Variants in PTCRA observed in about 807,000 individuals in gnomAD.
PTCRA encodes the protein pre T cell antigen receptor alpha, also known as pre T-cell antigen receptor alpha.
In PTCRA, 9 loss-of-function variants were observed where a neutral mutation model predicts 13.4. That is an observed-to-expected ratio of 0.67 (90% confidence interval 0.41 to 1.18). PTCRA has a LOEUF of 1.18. Among genes scored for constraint, PTCRA ranks in the 50% most tolerant of loss-of-function variants. PTCRA has a pLI of 0.01. For missense variants in PTCRA, 353 were observed against 359.8 expected (o/e 0.98, Z 0.15); for synonymous variants, 153 against 161.9 (o/e 0.94, Z 0.42).
intron 1 of PTCRA, among the ~76,000 whole-genome samples, chr6:42,922,792 G>A (rs1767249309): frequency 6.6e-6 from 1 of 151,726 alleles, no homozygotes; most frequent in African/African-American, 2.4e-5. Flanking sequence ...GCTGATAGAA[G>A]AAAGGATGGA....
At chr6:42,924,149 G>A (rs1767314972) in intron 2 of PTCRA, 80 bp from the exon 3 acceptor site, 1 of 1,277,012 alleles carries the variant, frequency 7.8e-7, no homozygotes, top group South Asian at 1.4e-5. Flanking sequence ...CTGTGCCAGG[G>A]CCTGGGCATA....
chr6:42,918,165 A>T (rs994132541), intron 1 of PTCRA, among the ~76,000 whole-genome samples: 1 of 151,534 alleles, frequency 6.6e-6, no homozygotes, highest in African/African-American at 2.4e-5. Flanking sequence ...CTGAGGCAGG[A>T]GAATTGCTTG....
intron 1 of PTCRA, among the ~76,000 whole-genome samples, chr6:42,917,223 TTATTA>T (rs1581677213): frequency 7.2e-6 from 1 of 139,518 alleles, no homozygotes; most frequent in South Asian, 2.1e-4. Flanking sequence ...ATTATTATTA[TTATTA>T]TTATTTATTT....
In PTCRA at chr6:42,925,280, G is replaced by A. The variant is rs533321958; in HGVS notation, c.444G>A (p.Leu148=). ...EPLRGTPGGA[L]WLGVLRLLLF... ...TCGCAGGGACACCGGGTGGGGCGCT[G>A]TGGCTGGGGGTCCTGCGGCTGCTGC... Residue 148 remains leucine, a synonymous_variant, in exon 4 of 4, where the codon CTG becomes CTA. Transcript: ENST00000304672. The surrounding 1 kb of genome is among the most constrained non-coding windows in gnomAD (Gnocchi z 4.4). 4.3e-5 allele frequency: 69 copies of A among 1,590,274 alleles called. No individual in the cohort carries two copies. The highest frequency in any genetic ancestry group is 5.8e-5 in the Non-Finnish European group (68 of 1,175,548).
intron 1 of PTCRA, among the ~76,000 whole-genome samples, chr6:42,916,529 G>A (rs1014623055): frequency 3.9e-5 from 6 of 152,168 alleles, no homozygotes; most frequent in African/African-American, 1.4e-4. Context: ...AACAGTGTGA[G>A]GTCCTGTCCT....
chr6:42,917,141 C>G (rs1031513494), intron 1 of PTCRA, among the ~76,000 whole-genome samples: 1 of 151,276 alleles, frequency 6.6e-6, no homozygotes, highest in Non-Finnish European at 1.5e-5. Flanking sequence ...ACACTTATGG[C>G]CTTTACTCTT....
At position 42,925,246 on chromosome 6, in the gene PTCRA, G is replaced by C. The variant is rs759007225; in HGVS notation, c.425-15G>C. Reference sequence around the variant, plus strand: ...TGCGGGCTCCTGCGGGCTCCTGAGCGGTTCCTCCTCGCAGGGACACCGGGT... The same window carrying C: ...TGCGGGCTCCTGCGGGCTCCTGAGCCGTTCCTCCTCGCAGGGACACCGGGT... On this transcript the variant is annotated splice_polypyrimidine_tract_variant and intron_variant, in intron 3 of 3. Coordinates refer to ENST00000304672, the MANE Select transcript of PTCRA (RefSeq NM_138296.3). This position sits in a 1 kb window ranked among gnomAD's most constrained non-coding sequence, Gnocchi z 4.4. 1 of 1,579,962 alleles carries C rather than the reference G, an allele frequency of 6.3e-7. No homozygotes were observed. Among genetic ancestry groups the C allele is most frequent in the Non-Finnish European group, 8.5e-7 (1 of 1,170,594 alleles).
intron 1 of PTCRA, among the ~76,000 whole-genome samples, chr6:42,918,772 A>G (rs1766990011): frequency 6.8e-6 from 1 of 146,346 alleles, no homozygotes; most frequent in Admixed American, 7.2e-5. Context: ...CTTACCATTT[A>G]TGTGTTAGTA....
chr6:42,922,995 T>A, intron 1 of PTCRA, 32 bp from the exon 2 acceptor site: 1 of 1,609,162 alleles, frequency 6.2e-7, no homozygotes, highest in Non-Finnish European at 8.5e-7. Flanking sequence ...CAAAAGCTGG[T>A]CTAGCACCCA....
intron 1 of PTCRA, among the ~76,000 whole-genome samples, chr6:42,919,830 G>A (rs895490890): frequency 8.0e-6 from 1 of 125,060 alleles, no homozygotes; most frequent in African/African-American, 3.1e-5. Context: ...AATAGCTTGA[G>A]CCTAGGAGTT....
intron 1 of PTCRA, among the ~76,000 whole-genome samples, chr6:42,920,013 C>T (rs1358179864): frequency 6.9e-6 from 1 of 145,586 alleles, no homozygotes; most frequent in African/African-American, 2.6e-5. Context: ...CAGAGCTAGA[C>T]CCTGTCTCAA....
At chr6:42,922,983 G>GC (rs1767258568) in intron 1 of PTCRA, 44 bp from the exon 2 acceptor site, 1 of 1,590,914 alleles carries the variant, frequency 6.3e-7, no homozygotes, top group African/African-American at 1.3e-5. Context: ...GGCCTGGGAG[G>GC]CCAAAAGCTG....
In PTCRA at chr6:42,923,272, T is replaced by G; in HGVS notation, c.304T>G (p.Trp102Gly). Residue 102 changes from tryptophan (W) to glycine (G), a missense_variant, in exon 2 of 4, where the codon TGG (tryptophan) becomes GGG (glycine). Transcript: ENST00000304672. ...LSLPSEELASWEPLVCHTGPG... is the reference protein window; with the variant it reads ...LSLPSEELASGEPLVCHTGPG... ...CCTGCCTTCTGAGGAGCTGGCATCC[T>G]GGGAGCCTTTGGTCTGCCACACTGG... 1 of 1,614,164 alleles carries G rather than the reference T, an allele frequency of 6.2e-7. No individual in the cohort carries two copies. Among genetic ancestry groups the G allele is most frequent in the Non-Finnish European group, 8.5e-7 (1 of 1,179,986 alleles).
chr6:42,923,475 G>A (rs1482385698), intron 2 of PTCRA, 128 bp downstream of exon 2: 2 of 885,430 alleles, frequency 2.3e-6, no homozygotes, highest in Non-Finnish European at 3.5e-6. Flanking sequence ...GCCTCTGGGT[G>A]AGGTGACACC....
chr6:42,923,733 A>G (rs1767300204), intron 2 of PTCRA, among the ~76,000 whole-genome samples: 1 of 152,186 alleles, frequency 6.6e-6, no homozygotes. Context: ...CAGACTTCAC[A>G]TTTATGAGAC....
intron 1 of PTCRA, among the ~76,000 whole-genome samples, chr6:42,920,644 C>T (rs1194686261): frequency 1.3e-5 from 2 of 151,944 alleles, no homozygotes; most frequent in Admixed American, 6.6e-5. Context: ...CCAGGATGGT[C>T]TCTATCTCCT....
chr6:42,916,779 A>G (rs9471959), intron 1 of PTCRA, among the ~76,000 whole-genome samples: 47,765 of 152,048 alleles, frequency 0.31, 7,674 homozygotes, highest in South Asian at 0.38. Flanking sequence ...GGGAAGGTCC[A>G]TGACTTTTGA....
At chr6:42,923,605 G>A (rs1025411057) in intron 2 of PTCRA, among the ~76,000 whole-genome samples, 1 of 152,138 alleles carries the variant, frequency 6.6e-6, no homozygotes, top group Non-Finnish European at 1.5e-5. Context: ...CTTCCACCTA[G>A]GATTCATTAT....
Position 42,925,706 on chromosome 6 carries a change from G to C in PTCRA, c.*24G>C, listed in dbSNP as rs759092850. The C allele has an allele frequency of 2.8e-6, 4 of 1,444,022 alleles. No individual in the cohort carries two copies. Among genetic ancestry groups the C allele is most frequent in the Non-Finnish European group, 3.7e-6 (4 of 1,071,788 alleles). 89.5% of individuals were successfully genotyped at this position (1,444,022 alleles called of 1,614,324 possible). On this transcript the variant is annotated 3_prime_UTR_variant, in exon 4 of 4. Coordinates refer to ENST00000304672, the MANE Select transcript of PTCRA (RefSeq NM_138296.3). This position sits in a 1 kb window ranked among gnomAD's most constrained non-coding sequence, Gnocchi z 4.4. The stretch of plus-strand genomic sequence containing the variant: ...GAGGGCAGGGCTCTACCTCCCCTGC[G>C]TCACACTGTGTGAGGCTGTGTCTCT...
Sources: gnomAD v4.1 joint callset for allele counts (sites outside exome capture counted in the v4.1 genomes callset) on GRCh38, gnomAD v4.1.1 for gene constraint, Gnocchi (gnomAD v3.1) non-coding constraint, MANE v1.5 for transcripts, NCBI Gene and HGNC (gene_info 2026-07-23, HGNC 2026-07-21) for gene names.